Variants in FMNL3 observed in about 807,000 individuals in gnomAD.
FMNL3 encodes the protein formin like 3.
FMNL3 carries 57 observed loss-of-function variants against 119.6 expected under a neutral mutation model. The observed-to-expected ratio is 0.48, with a 90% CI of 0.39 to 0.59. FMNL3 has a LOEUF of 0.59. Among genes scored for constraint, FMNL3 ranks in the 20% least tolerant of loss-of-function variants. The pLI is 0.00. For synonymous variants in FMNL3, 491 were observed against 507.3 expected, an observed-to-expected ratio of 0.97 and a Z score of 0.43; for missense variants, 1,053 against 1,323.5, an observed-to-expected ratio of 0.80 and a Z score of 3.17.
chr12:49,678,452 G>A (rs1944252099), intron 1 of FMNL3, among the ~76,000 whole-genome samples: 1 of 151,554 alleles, frequency 6.6e-6, no homozygotes, highest in Admixed American at 6.6e-5. Context: ...CACCACACTC[G>A]GCATTATTTT....
intron 1 of FMNL3, among the ~76,000 whole-genome samples, chr12:49,706,643 G>T (rs1013509597): frequency 6.6e-6 from 1 of 152,168 alleles, no homozygotes; most frequent in Non-Finnish European, 1.5e-5. Flanking sequence ...CCCCACTCAG[G>T]GAAGCCTGCT....
chr12:49,643,143 C>A lies in FMNL3; in HGVS notation c.*2672G>T. On this transcript the variant is annotated 3_prime_UTR_variant, in exon 26 of 26. Transcript: ENST00000335154. The stretch of plus-strand genomic sequence containing the variant: ...AGGATTCCTTTGGCCCTGGGTCCTC[C>A]TCCTCTCTCGAATTCCCAGACGAGG... 6.3e-7 allele frequency: 1 copy of A among 1,592,004 alleles called. No homozygotes were observed. Among genetic ancestry groups the A allele is most frequent in the Non-Finnish European group, 8.6e-7 (1 of 1,163,478 alleles).
rs1013236825 is a variant in FMNL3, at chr12:49,643,218, C to T, written c.*2597G>A. 1.9e-6 allele frequency: 3 copies of T among 1,613,914 alleles called. No individual in the cohort carries two copies. Among genetic ancestry groups the T allele is most frequent in the Admixed American group, 1.7e-5 (1 of 59,978 alleles). On this transcript the variant is annotated 3_prime_UTR_variant, in exon 26 of 26. Transcript: ENST00000335154. ...GCACTGACATGTATCTGCTGATCTG[C>T]CCAGGGCTCTGAGTCAGAAGAAGAG...
chr12:49,695,278 T>G (rs1944721608), intron 1 of FMNL3, among the ~76,000 whole-genome samples: 1 of 152,158 alleles, frequency 6.6e-6, no homozygotes, highest in African/African-American at 2.4e-5. Flanking sequence ...AACTAACTAG[T>G]GTTATCGGTT....
At chr12:49,701,034 G>A (rs1231878461) in intron 1 of FMNL3, among the ~76,000 whole-genome samples, 16 of 149,866 alleles carry the variant, frequency 1.1e-4, no homozygotes, top group South Asian at 6.3e-4. Flanking sequence ...AGCCGAGATC[G>A]GGCCATTGCA....
Position 49,691,926 on chromosome 12 carries a change from T to A in FMNL3, c.126+15129A>T, listed in dbSNP as rs1225805107. On this transcript the variant is annotated intron_variant, in intron 1 of 25. Transcript: ENST00000335154. ...CTTGCACGTCTGTAGTCCTAGCTAC[T>A]CGGAAGGCTGAGGCAGGAGAATTGT... Among the ~76,000 whole-genome samples the A allele has an allele frequency of 2.0e-5, 3 of 149,736 alleles. No individual in the cohort carries two copies. The Admixed American group carries it at 2.0e-4, about 10-fold the overall frequency.
chr12:49,649,602 C>G lies in FMNL3; in HGVS notation c.2236-64G>C, dbSNP rs1400218416. On this transcript the variant is annotated intron_variant, in intron 18 of 25. Transcript: ENST00000335154. The surrounding 1 kb of genome is among the most constrained non-coding windows in gnomAD (Gnocchi z 5.6). ...AGATGGGGTAAAGACAGGGAGGGGT[C>G]AGAAGGACTGGAAGGGCAGGGGAGG... is the stretch of plus-strand genomic sequence containing the variant. 7.4e-6 allele frequency: 12 copies of G among 1,612,136 alleles called. No homozygotes were observed. Among genetic ancestry groups the G allele is most frequent in the Non-Finnish European group, 8.5e-6 (10 of 1,178,454 alleles).
chr12:49,652,164 T>G lies in FMNL3; in HGVS notation c.1372A>C (p.Ile458Leu). 6.2e-7 allele frequency: 1 copy of G among 1,613,368 alleles called. No individual in the cohort carries two copies. Among genetic ancestry groups the G allele is most frequent in the Non-Finnish European group, 8.5e-7 (1 of 1,179,784 alleles). Residue 458 changes from isoleucine to leucine, a missense_variant, in exon 14 of 26, where the codon ATT (isoleucine) becomes CTT (leucine). Coordinates refer to ENST00000335154, the MANE Select transcript of FMNL3 (RefSeq NM_175736.5). ...TGAAAGGCCTCCTCCTTCTCTTTAATGAGCCTCCGCAGGGTGTGCACCTGG... is the reference window on the plus strand; with the variant it reads ...TGAAAGGCCTCCTCCTTCTCTTTAAGGAGCCTCCGCAGGGTGTGCACCTGG... ...SHQVHTLRRL[I>L]KEKEEAFQRR...
chr12:49,659,751 G>C, intron 5 of FMNL3: 1 of 985,190 alleles, frequency 1.0e-6, no homozygotes, highest in Non-Finnish European at 1.2e-6. Flanking sequence ...GGACAAGGAA[G>C]ATGGCCAAGA....
chr12:49,691,721 CT>C (rs142082729), intron 1 of FMNL3, among the ~76,000 whole-genome samples: 391 of 151,830 alleles, frequency 2.6e-3, no homozygotes, highest in South Asian at 0.011. Flanking sequence ...AGAGAGGAGC[CT>C]TTTTTTTCCC....
At chr12:49,704,853 G>C (rs776542056) in intron 1 of FMNL3, among the ~76,000 whole-genome samples, 1 of 152,082 alleles carries the variant, frequency 6.6e-6, no homozygotes, top group African/African-American at 2.4e-5. Flanking sequence ...TTACAGATGA[G>C]GAAGAAGTCT....
In FMNL3 at chr12:49,649,017, G is replaced by C. The variant is rs182326687; in HGVS notation, c.2515+12C>G. 3.3e-3 allele frequency: 5,253 copies of C among 1,576,520 alleles called. 16 individuals carry two copies. The highest frequency in any genetic ancestry group is 9.9e-3 in the Middle Eastern group (58 of 5,868). ...ATGTGAGGGCAGGCCCACCCAGCCAGGCTCTCCTCACCTGCTGCAGCCTTC... is the reference window on the plus strand; with the variant it reads ...ATGTGAGGGCAGGCCCACCCAGCCACGCTCTCCTCACCTGCTGCAGCCTTC... On this transcript the variant is annotated intron_variant, in intron 21 of 25. Coordinates refer to ENST00000335154, the MANE Select transcript of FMNL3 (RefSeq NM_175736.5). The surrounding 1 kb of genome is among the most constrained non-coding windows in gnomAD (Gnocchi z 5.6).
chr12:49,648,995 T>A (rs1336546367), intron 21 of FMNL3, 34 bp downstream of exon 21: 1 of 1,556,348 alleles, frequency 6.4e-7, no homozygotes, highest in Admixed American at 1.9e-5. Flanking sequence ...GGGCTGGATG[T>A]GAGGGCAGGC....
intron 4 of FMNL3, among the ~76,000 whole-genome samples, chr12:49,665,516 A>C (rs1349072124): frequency 6.6e-6 from 1 of 152,216 alleles, no homozygotes; most frequent in Non-Finnish European, 1.5e-5. Context: ...CGCTTGGCCC[A>C]GCACCAGGCC....
intron 1 of FMNL3, among the ~76,000 whole-genome samples, chr12:49,689,514 T>C (rs970670727): frequency 6.6e-6 from 1 of 152,294 alleles, no homozygotes; most frequent in Non-Finnish European, 1.5e-5. Flanking sequence ...TGGGCAGATA[T>C]GGCTTGAGCC....
intron 1 of FMNL3, among the ~76,000 whole-genome samples, chr12:49,687,285 G>A (rs1311368830): frequency 7.3e-6 from 1 of 137,900 alleles, no homozygotes; most frequent in Non-Finnish European, 1.6e-5. Context: ...GTAGAGACAA[G>A]GTTTCACCAT....
In FMNL3 at chr12:49,639,931, T is replaced by C. The variant is rs539615552; in HGVS notation, c.*5884A>G. The C allele has an allele frequency of 6.6e-6, 1 of 152,370 alleles. No individual in the cohort carries two copies. Among genetic ancestry groups the C allele is most frequent in the South Asian group, 2.1e-4 (1 of 4,832 alleles). 9.4% of individuals were successfully genotyped at this position (152,370 alleles called of 1,614,324 possible). On this transcript the variant is annotated 3_prime_UTR_variant, in exon 26 of 26. Coordinates refer to ENST00000335154, the MANE Select transcript of FMNL3 (RefSeq NM_175736.5). ...AAAGTAGAAATGCCTTATCCTGGGA[T>C]AGCTAAATTTTATTGGACAATTAAC...
Position 49,649,877 on chromosome 12 carries a change from G to A in FMNL3, c.2049C>T (p.Arg683=). Reference sequence around the variant, plus strand: ...TTACCTCAGCCTCTGTGGGCAGGAAGCGCATCAGGCACTCCACGAAGTCCA... The same window carrying A: ...TTACCTCAGCCTCTGTGGGCAGGAAACGCATCAGGCACTCCACGAAGTCCA... The part of the protein sequence containing the change: ...LPVDFVECLM[R]FLPTEAEVKL... The change falls in exon 18 of 26, where the codon CGC becomes CGT. Residue 683 remains arginine, a synonymous_variant. Coordinates refer to ENST00000335154, the MANE Select transcript of FMNL3 (RefSeq NM_175736.5). This position sits in a 1 kb window ranked among gnomAD's most constrained non-coding sequence, Gnocchi z 5.6. 2.5e-6 allele frequency: 4 copies of A among 1,614,136 alleles called. No individual in the cohort carries two copies. Among genetic ancestry groups the A allele is most frequent in the Non-Finnish European group, 3.4e-6 (4 of 1,180,034 alleles).
In FMNL3 at chr12:49,682,215, C is replaced by T. The variant is rs144660612; in HGVS notation, c.127-13661G>A. Among the ~76,000 whole-genome samples, 1,335 of 152,054 alleles carry T rather than the reference C, an allele frequency of 8.8e-3. 18 individuals are homozygous for T. The highest frequency in any genetic ancestry group is 0.03 in the African/African-American group (1,247 of 41,448). ...CCTCCCAAGTAGCTGGAACTACAGGCGGCCACCACCACACCCAGCTAAGTT... is the reference window on the plus strand; with the variant it reads ...CCTCCCAAGTAGCTGGAACTACAGGTGGCCACCACCACACCCAGCTAAGTT... On this transcript the variant is annotated intron_variant, in intron 1 of 25. Transcript: ENST00000335154.
Sources: allele counts gnomAD v4.1 joint callset (sites outside exome capture counted in the v4.1 genomes callset), GRCh38; gene constraint gnomAD v4.1.1; non-coding constraint Gnocchi (gnomAD v3.1); transcripts MANE v1.5; gene names NCBI Gene and HGNC (gene_info 2026-07-23, HGNC 2026-07-21).